Variants in SRGAP2C observed in about 807,000 individuals in gnomAD.
SRGAP2C encodes SLIT-ROBO Rho GTPase activating protein 2C.
Under a neutral mutation model 25.1 loss-of-function variants are expected in SRGAP2C, and 15 were observed. The observed-to-expected ratio is 0.60, with a 90% CI of 0.40 to 0.92. The LOEUF is 0.92. Ranked by LOEUF, SRGAP2C falls within the 40% of genes least tolerant of loss-of-function variation. SRGAP2C has a pLI of 0.00. For missense variants in SRGAP2C, 144 were observed against 264.4 expected (o/e 0.54, Z 3.16); for synonymous variants, 44 against 96.6 (o/e 0.46, Z 3.19).
rs1558125512 is a variant in SRGAP2C at position 121,354,322 on chromosome 1, CT to C, written c.424-10968del. Among the ~76,000 whole-genome samples the C allele has an allele frequency of 4.0e-5, 2 of 49,484 alleles. 1 individual carries two copies. Among genetic ancestry groups the C allele is most frequent in the Admixed American group, 4.7e-4 (2 of 4,258 alleles). The allele number at this position is 49,484 out of a possible 152,430, so 32.5% of individuals were successfully genotyped here. Reference sequence around the variant, plus strand: ...TCTTTCTTTCTTTCTTTCTTTCTTTCTTTCTTTTCTTTCTCTCTCTCTCTTT... The same window carrying C: ...TCTTTCTTTCTTTCTTTCTTTCTTTCTTCTTTTCTTTCTCTCTCTCTCTTT... On this transcript the variant is annotated intron_variant, in intron 4 of 9. Coordinates refer to ENST00000367123, the MANE Select transcript of SRGAP2C (RefSeq NM_001329984.2).
At chr1:121,253,978 T>A (rs1163712854) in intron 2 of SRGAP2C, among the ~76,000 whole-genome samples, 1 of 151,872 alleles carries the variant, frequency 6.6e-6, no homozygotes, top group East Asian at 1.9e-4. Context: ...AGTGGCACGA[T>A]CTCGGCTCTC....
chr1:121,329,297 T>C (rs1658385302), intron 4 of SRGAP2C, among the ~76,000 whole-genome samples: 1 of 152,114 alleles, frequency 6.6e-6, no homozygotes, highest in Non-Finnish European at 1.5e-5. Context: ...ATCCAACGTT[T>C]TCATCTACAT....
intron 7 of SRGAP2C, among the ~76,000 whole-genome samples, chr1:121,381,796 C>T (rs1558138173): frequency 6.6e-6 from 1 of 151,970 alleles, no homozygotes; most frequent in Non-Finnish European, 1.5e-5. Context: ...TCCTTTTACT[C>T]ACTTCTCAAG....
intron 2 of SRGAP2C, among the ~76,000 whole-genome samples, chr1:121,191,927 G>T (rs1553319857): frequency 1.4e-5 from 2 of 144,712 alleles, no homozygotes; most frequent in African/African-American, 5.2e-5. Flanking sequence ...TGTCTTAAGA[G>T]AACAGTGTGT....
chr1:121,357,587 G>T (rs1553347863), intron 4 of SRGAP2C, among the ~76,000 whole-genome samples: 1 of 146,162 alleles, frequency 6.8e-6, no homozygotes, highest in African/African-American at 2.5e-5. Context: ...GAGTCATTTA[G>T]TTCTTACTGA....
intron 2 of SRGAP2C, among the ~76,000 whole-genome samples, chr1:121,208,315 C>T (rs1156523847): frequency 1.3e-5 from 2 of 151,824 alleles, no homozygotes; most frequent in Admixed American, 1.3e-4. Context: ...ACAGTGAACC[C>T]CTTTTGCACC....
At chr1:121,275,651 A>G in intron 2 of SRGAP2C, among the ~76,000 whole-genome samples, 1 of 151,212 alleles carries the variant, frequency 6.6e-6, no homozygotes, top group South Asian at 2.1e-4. Flanking sequence ...TGATATTGAA[A>G]TATCCCTCTC....
intron 3 of SRGAP2C, among the ~76,000 whole-genome samples, chr1:121,303,900 G>T (rs1343525340): frequency 2.7e-5 from 4 of 148,966 alleles, no homozygotes; most frequent in Admixed American, 2.7e-4. Flanking sequence ...TGTACAGAAA[G>T]TTGTTTCAGA....
intron 2 of SRGAP2C, among the ~76,000 whole-genome samples, chr1:121,210,179 T>G (rs1359384726): frequency 6.6e-6 from 1 of 151,934 alleles, no homozygotes; most frequent in East Asian, 2.0e-4. Context: ...TTGGAGGTCC[T>G]TCTCATAGAT....
At chr1:121,223,179 G>A (rs1172435092) in intron 2 of SRGAP2C, among the ~76,000 whole-genome samples, 5 of 148,480 alleles carry the variant, frequency 3.4e-5, no homozygotes, top group Non-Finnish European at 7.5e-5. Context: ...TTATTTGATG[G>A]GAGGGAAAGT....
intron 2 of SRGAP2C, 84 bp from the exon 3 acceptor site, chr1:121,284,718 TA>T: frequency 9.7e-6 from 4 of 411,230 alleles, no homozygotes; most frequent in Non-Finnish European, 1.6e-5. Flanking sequence ...GGGGAATAAG[TA>T]AGTGGAAGGT....
Position 121,372,918 on chromosome 1 carries a change from C to G in SRGAP2C, c.487-1053C>G, listed in dbSNP as rs1202106668. ...ACACACACACACATGCACACACACA[C>G]CCAACTTCTACTCTCTAATTATCCC... is the stretch of plus-strand genomic sequence containing the variant. On this transcript the variant is annotated intron_variant, in intron 5 of 9. Transcript: ENST00000367123. Among the ~76,000 whole-genome samples, 5 of 91,166 alleles carry G rather than the reference C, an allele frequency of 5.5e-5. 1 individual carries two copies. The highest frequency in any genetic ancestry group is 1.2e-4 in the Non-Finnish European group (5 of 43,410). 59.8% of individuals were successfully genotyped at this position (91,166 alleles called of 152,430 possible).
rs1296711897 is a variant in SRGAP2C at position 121,360,804 on chromosome 1, G to T, written c.424-4489G>T. On this transcript the variant is annotated intron_variant, in intron 4 of 9. Transcript: ENST00000367123. ...TTCTGCTGCCAGAGCTTAATACAGG[G>T]TCATGTTCCTTTCCTCTGAAATCTG... The T allele has an allele frequency of 6.8e-5, 10 of 147,634 alleles. 1 individual carries two copies. The South Asian group carries it at 1.8e-3, about 26-fold the overall frequency. 9.1% of individuals were successfully genotyped at this position (147,634 alleles called of 1,614,324 possible).
chr1:121,206,500 A>C (rs587605515), intron 2 of SRGAP2C, among the ~76,000 whole-genome samples: 42 of 152,098 alleles, frequency 2.8e-4, no homozygotes, highest in African/African-American at 9.6e-4. Context: ...AAGAGTGATG[A>C]AGTGTGATGA....
At position 121,187,907 on chromosome 1, in the gene SRGAP2C, AAG is replaced by A. The variant is rs1204733335; in HGVS notation, c.67+397_67+398del. On this transcript the variant is annotated intron_variant, in intron 2 of 9. Transcript: ENST00000367123. ...GTTTGGACATTTGTTTCAGAGATTG[AAG>A]AGGAGTCCAGACAGAAAGGCAACCT... 3.3e-5 allele frequency among the ~76,000 whole-genome samples: 5 copies of A among 152,048 alleles called. No individual in the cohort carries two copies. In the South Asian group the frequency reaches 8.3e-4, roughly 25 times the overall value.
At chr1:121,234,770 C>T (rs1570725648) in intron 2 of SRGAP2C, among the ~76,000 whole-genome samples, 1 of 148,342 alleles carries the variant, frequency 6.7e-6, no homozygotes, top group Non-Finnish European at 1.5e-5. Context: ...TTAACCTGTG[C>T]ATACTTCTTT....
intron 2 of SRGAP2C, among the ~76,000 whole-genome samples, chr1:121,283,904 C>T (rs1483817857): frequency 6.8e-6 from 1 of 147,894 alleles, no homozygotes; most frequent in Non-Finnish European, 1.5e-5. Context: ...GCTGCCTTTG[C>T]AGCAGTTCCA....
intron 2 of SRGAP2C, among the ~76,000 whole-genome samples, chr1:121,208,768 AT>A (rs1463527111): frequency 6.6e-6 from 1 of 152,246 alleles, no homozygotes; most frequent in East Asian, 1.9e-4. Flanking sequence ...ATAAATGTGT[AT>A]TGGATGAATG....
rs1553338305 is a variant in SRGAP2C, at chr1:121,296,250, T to G, written c.260+11255T>G. 8.5e-5 allele frequency among the ~76,000 whole-genome samples: 13 copies of G among 152,178 alleles called. No individual in the cohort carries two copies. In the South Asian group the frequency reaches 2.7e-3, roughly 32 times the overall value. Reference sequence around the variant, plus strand: ...GATTTTTTGGCTGTTGGTAGAGATTTGCACACATGCACAGAGAGGGGATGG... The same window carrying G: ...GATTTTTTGGCTGTTGGTAGAGATTGGCACACATGCACAGAGAGGGGATGG... On this transcript the variant is annotated intron_variant, in intron 3 of 9. Coordinates refer to ENST00000367123, the MANE Select transcript of SRGAP2C (RefSeq NM_001329984.2).
Sources: gnomAD v4.1 joint callset for allele counts (sites outside exome capture counted in the v4.1 genomes callset) on GRCh38, gnomAD v4.1.1 for gene constraint, MANE v1.5 for transcripts, NCBI Gene and HGNC (gene_info 2026-07-23, HGNC 2026-07-21) for gene names.